The following SCAMP1 variants were observed in gnomAD, a reference collection of about 807,000 sequenced individuals.
SCAMP1 encodes secretory carrier-associated membrane protein 1.
Under a neutral mutation model 41.8 loss-of-function variants are expected in SCAMP1, and 15 were observed. That is an observed-to-expected ratio of 0.36 (90% CI 0.24 to 0.55). The LOEUF (loss-of-function observed/expected upper bound fraction) is 0.55. Ranked by LOEUF, SCAMP1 falls within the 20% of genes least tolerant of loss-of-function variation. The pLI is 0.86. For missense variants in SCAMP1, 341 were observed against 412.6 expected, an observed-to-expected ratio of 0.83 and a Z score of 1.50; for synonymous variants, 135 against 136.8, an observed-to-expected ratio of 0.99 and a Z score of 0.09.
At chr5:78,381,395 G>C (rs560516320) in intron 1 of SCAMP1, among the ~76,000 whole-genome samples, 2 of 152,324 alleles carry the variant, frequency 1.3e-5, no homozygotes, top group African/African-American at 4.8e-5. Flanking sequence ...CTGGTTACTG[G>C]TTTTGTAGAT....
rs111285388 is a variant in SCAMP1, at chr5:78,419,671, A to G, written c.472+768A>G. ...TTCTCACATGCACAACATCTGGGTTAATGGATAATTTGTAGGGTACATTCT... is the reference window on the plus strand; with the variant it reads ...TTCTCACATGCACAACATCTGGGTTGATGGATAATTTGTAGGGTACATTCT... On this transcript the variant is annotated intron_variant, in intron 5 of 8. Coordinates refer to ENST00000621999, the MANE Select transcript of SCAMP1 (RefSeq NM_004866.6). Among the ~76,000 whole-genome samples the G allele has an allele frequency of 1.9e-3, 290 of 152,306 alleles. 1 individual carries two copies. Among genetic ancestry groups the G allele is most frequent in the African/African-American group, 6.2e-3 (258 of 41,568 alleles).
intron 2 of SCAMP1, among the ~76,000 whole-genome samples, chr5:78,405,669 G>A (rs1751917395): frequency 6.6e-6 from 1 of 152,156 alleles, no homozygotes; most frequent in Non-Finnish European, 1.5e-5. Context: ...GGGAGTAGGG[G>A]TGTTTGCCTA....
intron 1 of SCAMP1, among the ~76,000 whole-genome samples, chr5:78,370,049 G>A (rs192160703): frequency 6.6e-6 from 1 of 152,344 alleles, no homozygotes; most frequent in Non-Finnish European, 1.5e-5. Context: ...ATGTCATGAA[G>A]AATTTCAATC....
intron 8 of SCAMP1, among the ~76,000 whole-genome samples, chr5:78,472,154 T>A (rs1313002796): frequency 6.6e-6 from 1 of 152,114 alleles, no homozygotes; most frequent in African/African-American, 2.4e-5. Context: ...AAAAAGGCTG[T>A]GCAACTTGGT....
intron 7 of SCAMP1, among the ~76,000 whole-genome samples, chr5:78,454,879 C>A (rs2112219445): frequency 6.6e-6 from 1 of 152,238 alleles, no homozygotes; most frequent in Non-Finnish European, 1.5e-5. Context: ...TTGGTCTATT[C>A]AGAGATTCAA....
chr5:78,445,582 G>A (rs946448749), intron 6 of SCAMP1, among the ~76,000 whole-genome samples: 1 of 151,836 alleles, frequency 6.6e-6, no homozygotes, highest in Non-Finnish European at 1.5e-5. Context: ...GTCTCTTCCT[G>A]CACGCAAGAC....
intron 1 of SCAMP1, among the ~76,000 whole-genome samples, chr5:78,367,103 C>T (rs368180630): frequency 3.3e-5 from 5 of 152,088 alleles, no homozygotes; most frequent in Non-Finnish European, 5.9e-5. Context: ...TGTTATTTTA[C>T]GTTCATGTCA....
At chr5:78,386,443 T>G (rs1489214840) in intron 1 of SCAMP1, among the ~76,000 whole-genome samples, 1 of 152,184 alleles carries the variant, frequency 6.6e-6, no homozygotes, top group East Asian at 1.9e-4. Flanking sequence ...TTTAAGCCAT[T>G]TACAATCAAC....
At chr5:78,435,242 A>C (rs1554044952) in intron 6 of SCAMP1, among the ~76,000 whole-genome samples, 1 of 152,038 alleles carries the variant, frequency 6.6e-6, no homozygotes, top group South Asian at 2.1e-4. Context: ...GTTTTTTTTA[A>C]TTTTTTATTA....
At chr5:78,434,126 C>T (rs915959459) in intron 6 of SCAMP1, among the ~76,000 whole-genome samples, 18 of 152,206 alleles carry the variant, frequency 1.2e-4, no homozygotes, top group Non-Finnish European at 2.4e-4. Context: ...TGTCTTTCTT[C>T]TGAGCACCTG....
intron 5 of SCAMP1, among the ~76,000 whole-genome samples, chr5:78,419,505 A>G (rs1030599667): frequency 2.6e-5 from 4 of 152,320 alleles, no homozygotes; most frequent in Admixed American, 1.3e-4. Flanking sequence ...CTCATGGAAT[A>G]CTGAAACAAA....
chr5:78,442,008 A>G lies in SCAMP1; in HGVS notation c.633-7925A>G, dbSNP rs117696242. Among the ~76,000 whole-genome samples the G allele has an allele frequency of 2.6e-5, 4 of 152,304 alleles. No homozygotes were observed. The East Asian group carries it at 7.7e-4, about 29-fold the overall frequency. On this transcript the variant is annotated intron_variant, in intron 6 of 8. Transcript: ENST00000621999. Reference sequence around the variant, plus strand: ...GTCGGTTGTCATGGCATGTGCCTGTAGTCCCAGCTACTCGGGAGGCTGAGG... The same window carrying G: ...GTCGGTTGTCATGGCATGTGCCTGTGGTCCCAGCTACTCGGGAGGCTGAGG...
chr5:78,363,274 G>A (rs1002013424), intron 1 of SCAMP1, among the ~76,000 whole-genome samples: 3 of 150,628 alleles, frequency 2.0e-5, no homozygotes, highest in East Asian at 2.0e-4. Context: ...GTGCAGTGGC[G>A]CGATCTCTGC....
At position 78,393,949 on chromosome 5, in the gene SCAMP1, G is replaced by C. The variant is rs558896311; in HGVS notation, c.135+5035G>C. On this transcript the variant is annotated intron_variant, in intron 2 of 8. Transcript: ENST00000621999. ...GTAAGGGATAGGGACACCTGTGTGT[G>C]GGAGAAGTGCAGCACTGCTGACAAA... Among the ~76,000 whole-genome samples, 97 of 152,260 alleles carry C rather than the reference G, an allele frequency of 6.4e-4. No homozygotes were observed. In the South Asian group the frequency reaches 6.4e-3, roughly 10 times the overall value.
At chr5:78,468,851 C>G in intron 8 of SCAMP1, among the ~76,000 whole-genome samples, 1 of 152,068 alleles carries the variant, frequency 6.6e-6, no homozygotes, top group South Asian at 2.1e-4. Flanking sequence ...GTGAAGATAT[C>G]CTATTATATA....
At chr5:78,469,890 TAAAAAA>T (rs141989832) in intron 8 of SCAMP1, among the ~76,000 whole-genome samples, 3 of 15,024 alleles carry the variant, frequency 2.0e-4, no homozygotes, top group Admixed American at 2.2e-3. Flanking sequence ...TACAAGACAT[TAAAAAA>T]AAAAAAAAAA....
At chr5:78,427,785 A>T (rs567199491) in intron 6 of SCAMP1, among the ~76,000 whole-genome samples, 1 of 152,196 alleles carries the variant, frequency 6.6e-6, no homozygotes, top group African/African-American at 2.4e-5. Flanking sequence ...CTAGTTACTG[A>T]TGAAGTTTGA....
intron 7 of SCAMP1, chr5:78,457,905 CG>C (rs1753470221): frequency 6.5e-6 from 1 of 153,758 alleles, no homozygotes; most frequent in South Asian, 2.1e-4. Flanking sequence ...TTTTTTAAGC[CG>C]GTCCGAAAGG....
chr5:78,365,064 A>G (rs948224262), intron 1 of SCAMP1, among the ~76,000 whole-genome samples: 4 of 152,322 alleles, frequency 2.6e-5, no homozygotes, highest in Admixed American at 2.6e-4. Flanking sequence ...GTAATAGTAC[A>G]TTCTCTATAG....
Sources: gnomAD v4.1 joint callset for allele counts (sites outside exome capture counted in the v4.1 genomes callset) on GRCh38, gnomAD v4.1.1 for gene constraint, MANE v1.5 for transcripts, NCBI Gene and HGNC (gene_info 2026-07-23, HGNC 2026-07-21) for gene names.